PTGIS: variants seen among roughly 807,000 people sequenced by gnomAD.
PTGIS encodes the protein prostaglandin I2 synthase, also known as prostacyclin synthase.
Under a neutral mutation model 50.3 loss-of-function variants are expected in PTGIS, and 45 were observed. That is an observed-to-expected ratio of 0.90 (90% CI 0.70 to 1.15). The LOEUF (loss-of-function observed/expected upper bound fraction) is 1.15, where lower values mean the gene tolerates loss of function less well. Among genes scored for constraint, PTGIS ranks in the 50% most tolerant of loss-of-function variants. The pLI, the probability that PTGIS is intolerant of heterozygous loss-of-function variation, is 0.00. For missense variants in PTGIS, 668 were observed against 661.3 expected, an observed-to-expected ratio of 1.01 and a Z score of -0.11; for synonymous variants, 260 against 267.7, an observed-to-expected ratio of 0.97 and a Z score of 0.28.
At chr20:49,511,914 T>C (rs894779417) in intron 8 of PTGIS, among the ~76,000 whole-genome samples, 4 of 150,166 alleles carry the variant, frequency 2.7e-5, no homozygotes, top group Middle Eastern at 6.6e-3. Context: ...AATGGGTAGA[T>C]TGATGGGTGG....
In PTGIS at chr20:49,507,363, A is replaced by G. The variant is rs188011892; in HGVS notation, c.*557T>C. On this transcript the variant is annotated 3_prime_UTR_variant, in exon 10 of 10. Coordinates refer to ENST00000244043, the MANE Select transcript of PTGIS (RefSeq NM_000961.4). ...TGCATTTTCTCAAGTAGTGTGAGCA[A>G]TGGGGCAATCTGGCAAATGGGGCCC... 3.0e-5 allele frequency: 6 copies of G among 203,302 alleles called. No homozygotes were observed. The highest frequency in any genetic ancestry group is 1.2e-4 in the African/African-American group (5 of 43,014). 12.6% of individuals were successfully genotyped at this position (203,302 alleles called of 1,614,324 possible). A position where few individuals can be genotyped will look rare whatever the true frequency, so the allele number is the denominator to read the frequency against.
chr20:49,528,049 A>C (rs894369078), intron 5 of PTGIS, among the ~76,000 whole-genome samples: 9 of 152,188 alleles, frequency 5.9e-5, no homozygotes, highest in Non-Finnish European at 8.8e-5. Flanking sequence ...CTGAGGCAGC[A>C]GAATCACTTG....
At chr20:49,513,304 TCA>T in intron 7 of PTGIS, 43 bp from the exon 8 acceptor site, 8 of 1,591,718 alleles carry the variant, frequency 5.0e-6, no homozygotes, top group Non-Finnish European at 6.8e-6. Flanking sequence ...GGCTATCCCT[TCA>T]CCTGCTCATA....
At chr20:49,520,933 T>C (rs1981637952) in intron 6 of PTGIS, among the ~76,000 whole-genome samples, 1 of 152,180 alleles carries the variant, frequency 6.6e-6, no homozygotes, top group Non-Finnish European at 1.5e-5. Context: ...CCTCTCTAAC[T>C]TCCCAAAGCA....
chr20:49,549,987 T>C (rs1982463474), intron 2 of PTGIS, 79 bp downstream of exon 2: 3 of 1,610,212 alleles, frequency 1.9e-6, no homozygotes, highest in Admixed American at 1.7e-5. Flanking sequence ...TAGGGACATA[T>C]GTTGAAGGAA....
chr20:49,568,132 G>GCTGGCGGGGCTGGCGGGA lies in PTGIS; in HGVS notation c.-17_-16insTCCCGCCAGCCCCGCCAG. ...CCCAAGCCATCGCGGGGCTGGCGGG[G>GCTGGCGGGGCTGGCGGGA]CTGGCGGGGCTGGCGGGGCTGGCGG... On this transcript the variant is annotated 5_prime_UTR_variant, in exon 1 of 10. Coordinates refer to ENST00000244043, the MANE Select transcript of PTGIS (RefSeq NM_000961.4). 1 of 1,182,504 alleles carries GCTGGCGGGGCTGGCGGGA rather than the reference G, an allele frequency of 8.5e-7. No homozygotes were observed. Among genetic ancestry groups the GCTGGCGGGGCTGGCGGGA allele is most frequent in the Non-Finnish European group, 1.1e-6 (1 of 915,342 alleles). The allele number at this position is 1,182,504 out of a possible 1,614,324, so 73.3% of individuals were successfully genotyped here.
At chr20:49,517,122 C>T (rs1981502440) in intron 6 of PTGIS, among the ~76,000 whole-genome samples, 1 of 152,238 alleles carries the variant, frequency 6.6e-6, no homozygotes, top group Admixed American at 6.5e-5. Context: ...CTGGCCCCTC[C>T]CCTGGATTTG....
chr20:49,555,204 T>C (rs892727337), intron 1 of PTGIS, among the ~76,000 whole-genome samples: 1 of 151,640 alleles, frequency 6.6e-6, no homozygotes, highest in Admixed American at 6.6e-5. Flanking sequence ...ACCTGGGAGG[T>C]GGAGGTTGCA....
At position 49,508,811 on chromosome 20, in the gene PTGIS, C is replaced by T. The variant is rs73263210; in HGVS notation, c.1359-747G>A. 6.1e-3 allele frequency among the ~76,000 whole-genome samples: 928 copies of T among 152,288 alleles called. 10 individuals are homozygous for T. Among genetic ancestry groups the T allele is most frequent in the African/African-American group, 0.022 (899 of 41,566 alleles). ...ATAATAACTATTCGCAGCTGCCATG[C>T]CTATGATGTAATCAGTGCCCCCATA... is the stretch of plus-strand genomic sequence containing the variant. On this transcript the variant is annotated intron_variant, in intron 9 of 9. Coordinates refer to ENST00000244043, the MANE Select transcript of PTGIS (RefSeq NM_000961.4).
chr20:49,524,578 C>T (rs1268162550), intron 5 of PTGIS, among the ~76,000 whole-genome samples: 2 of 152,202 alleles, frequency 1.3e-5, no homozygotes, highest in Non-Finnish European at 2.9e-5. Flanking sequence ...TTTCATGCTG[C>T]TGACAAAGAC....
intron 2 of PTGIS, among the ~76,000 whole-genome samples, chr20:49,548,225 AAGG>A (rs1480910224): frequency 6.6e-6 from 1 of 152,226 alleles, no homozygotes; most frequent in East Asian, 1.9e-4. Context: ...GAGGCTTAGA[AAGG>A]AGAAGAAATG....
At chr20:49,518,291 G>C (rs1476878437) in intron 6 of PTGIS, among the ~76,000 whole-genome samples, 1 of 152,158 alleles carries the variant, frequency 6.6e-6, no homozygotes, top group Non-Finnish European at 1.5e-5. Flanking sequence ...ATGGAGAGGC[G>C]AGGCATTGGG....
chr20:49,562,319 G>T (rs1390603302), intron 1 of PTGIS, among the ~76,000 whole-genome samples: 1 of 152,196 alleles, frequency 6.6e-6, no homozygotes, highest in Non-Finnish European at 1.5e-5. Flanking sequence ...CCTGGCTGTG[G>T]CCGGAGCTCC....
Position 49,507,714 on chromosome 20 carries a change from A to G in PTGIS, c.*206T>C. 1 of 689,872 alleles carries G rather than the reference A, an allele frequency of 1.4e-6. No individual in the cohort carries two copies. The highest frequency in any genetic ancestry group is 2.4e-6 in the Non-Finnish European group (1 of 413,292). 42.7% of individuals were successfully genotyped at this position (689,872 alleles called of 1,614,324 possible). A position where few individuals can be genotyped will look rare whatever the true frequency, so the allele number is the denominator to read the frequency against. ...TTTTGGAAAGAAAACTTTGCAGTGG[A>G]TAATCCATAGAGCTTTCAATGTCTT... On this transcript the variant is annotated 3_prime_UTR_variant, in exon 10 of 10. Coordinates refer to ENST00000244043, the MANE Select transcript of PTGIS (RefSeq NM_000961.4).
intron 6 of PTGIS, 127 bp downstream of exon 6, chr20:49,523,931 A>G (rs1981722152): frequency 1.0e-5 from 12 of 1,175,768 alleles, no homozygotes; most frequent in Non-Finnish European, 1.3e-5. Flanking sequence ...ACACCTACAT[A>G]CACATGCACA....
chr20:49,528,121 C>T (rs1981836888), intron 5 of PTGIS, among the ~76,000 whole-genome samples: 1 of 152,148 alleles, frequency 6.6e-6, no homozygotes, highest in Non-Finnish European at 1.5e-5. Flanking sequence ...GCCTGGGTGA[C>T]AGAGTGATAC....
intron 6 of PTGIS, among the ~76,000 whole-genome samples, chr20:49,514,974 GGAT>G (rs1981438422): frequency 6.6e-6 from 1 of 152,210 alleles, no homozygotes. Flanking sequence ...CCCAAGAGGA[GGAT>G]GAGAGACTCA....
intron 5 of PTGIS, among the ~76,000 whole-genome samples, chr20:49,536,336 A>G (rs1982066622): frequency 6.6e-6 from 1 of 152,192 alleles, no homozygotes; most frequent in African/African-American, 2.4e-5. Flanking sequence ...TGGCTTTTTA[A>G]AAATATATAA....
At chr20:49,567,976 T>G in intron 1 of PTGIS, 67 bp downstream of exon 1, 1 of 1,405,544 alleles carries the variant, frequency 7.1e-7, no homozygotes, top group Non-Finnish European at 9.3e-7. Context: ...TCCGAGACCC[T>G]TGGGCTGCAG....
Sources: gnomAD v4.1 joint callset for allele counts (sites outside exome capture counted in the v4.1 genomes callset) on GRCh38, gnomAD v4.1.1 for gene constraint, MANE v1.5 for transcripts, NCBI Gene and HGNC (gene_info 2026-07-23, HGNC 2026-07-21) for gene names.